FOXP4: variants seen among roughly 807,000 people sequenced by gnomAD.
The protein encoded by FOXP4 is forkhead box protein P4.
A neutral mutation model predicts 82.6 loss-of-function variants in FOXP4; 25 were observed. The observed-to-expected ratio is 0.30, with a 90% CI of 0.22 to 0.42. The LOEUF is 0.42. Ranked by LOEUF, FOXP4 falls within the 10% of genes least tolerant of loss-of-function variation. The pLI is 1.00. For missense variants in FOXP4, 785 were observed against 900.9 expected, an observed-to-expected ratio of 0.87 and a Z score of 1.65; for synonymous variants, 415 against 388.2, an observed-to-expected ratio of 1.07 and a Z score of -0.81.
intron 3 of FOXP4, among the ~76,000 whole-genome samples, chr6:41,581,370 C>T (rs72858989): frequency 0.073 from 11,139 of 152,292 alleles, 475 homozygotes; most frequent in Non-Finnish European, 0.092. Context: ...TCCAGTCAGA[C>T]CGTCCAGCCG....
chr6:41,557,321 T>C (rs999034853), intron 1 of FOXP4, among the ~76,000 whole-genome samples: 33 of 152,204 alleles, frequency 2.2e-4, no homozygotes, highest in African/African-American at 7.7e-4. Flanking sequence ...TGGTATGAAT[T>C]TTATGGGCAT....
chr6:41,586,355 G>T (rs1212704523), intron 5 of FOXP4, among the ~76,000 whole-genome samples: 1 of 152,074 alleles, frequency 6.6e-6, no homozygotes, highest in African/African-American at 2.4e-5. Context: ...CTTGGCTCAT[G>T]GGGCTCAAGA....
chr6:41,555,206 G>A (rs1007066221), intron 1 of FOXP4, among the ~76,000 whole-genome samples: 9 of 130,482 alleles, frequency 6.9e-5, no homozygotes, highest in African/African-American at 1.9e-4. Context: ...CCGAGATCGC[G>A]CTACTGCACT....
At position 41,546,706 on chromosome 6, in the gene FOXP4, G is replaced by C. The variant is rs1326591215; in HGVS notation, c.-178G>C. On this transcript the variant is annotated 5_prime_UTR_variant, in exon 1 of 17. Transcript: ENST00000307972. ...GGCGGGGTTGAGGCGCGCGGCGGTC[G>C]GCCCGGCGCGCTGGGAGGACGCCCG... The C allele has an allele frequency of 6.8e-6, 1 of 146,804 alleles. No individual in the cohort carries two copies. Among genetic ancestry groups the C allele is most frequent in the Admixed American group, 6.8e-5 (1 of 14,772 alleles). 9.1% of individuals were successfully genotyped at this position (146,804 alleles called of 1,614,324 possible). A position where few individuals can be genotyped will look rare whatever the true frequency, so the allele number is the denominator to read the frequency against.
At chr6:41,554,986 C>A (rs1764196634) in intron 1 of FOXP4, among the ~76,000 whole-genome samples, 1 of 152,150 alleles carries the variant, frequency 6.6e-6, no homozygotes. Context: ...GGCGCAGTGG[C>A]TCATGCCTGT....
chr6:41,583,887 G>C (rs1026760588), intron 3 of FOXP4, among the ~76,000 whole-genome samples: 1 of 152,188 alleles, frequency 6.6e-6, no homozygotes, highest in Non-Finnish European at 1.5e-5. Context: ...CCCAGGGCAG[G>C]GGGTAGAAAG....
intron 16 of FOXP4, 33 bp downstream of exon 16, chr6:41,597,983 A>G: frequency 1.0e-6 from 1 of 1,002,996 alleles, no homozygotes; most frequent in Non-Finnish European, 1.2e-6. Flanking sequence ...CACCCACCCC[A>G]GCACCCCTCA....
chr6:41,595,934 G>T (rs1040955408), intron 14 of FOXP4, among the ~76,000 whole-genome samples: 3 of 152,160 alleles, frequency 2.0e-5, no homozygotes, highest in African/African-American at 7.2e-5. Context: ...GTCTTGCTCT[G>T]TTGCCCAGGC....
chr6:41,589,658 G>A lies in FOXP4; in HGVS notation c.1066-113G>A, dbSNP rs369538568. On this transcript the variant is annotated intron_variant, in intron 9 of 16. Transcript: ENST00000307972. ...AGCATGGATGCTGAGGCAAGGAGGC[G>A]AATGGGGGTGGGAATCGGCGGCCTT... The A allele has an allele frequency of 1.0e-5, 11 of 1,073,988 alleles. 1 individual carries two copies. The highest frequency in any genetic ancestry group is 2.5e-5 in the East Asian group (1 of 39,690). The allele number at this position is 1,073,988 out of a possible 1,614,324, so 66.5% of individuals were successfully genotyped here.
intron 2 of FOXP4, among the ~76,000 whole-genome samples, chr6:41,572,513 G>C (rs1366209759): frequency 2.0e-5 from 3 of 152,186 alleles, no homozygotes; most frequent in Non-Finnish European, 4.4e-5. Flanking sequence ...TGGTTCTGGA[G>C]GTAAAGGTAA....
intron 1 of FOXP4, among the ~76,000 whole-genome samples, chr6:41,553,589 T>C (rs1188354854): frequency 6.6e-6 from 1 of 152,234 alleles, no homozygotes; most frequent in Admixed American, 6.5e-5. Flanking sequence ...CCCTGGACCC[T>C]GTCTGATCTC....
At position 41,565,904 on chromosome 6, in the gene FOXP4, G is replaced by A. The variant is rs374222170; in HGVS notation, c.144G>A (p.Thr48=). The A allele has an allele frequency of 1.7e-5, 28 of 1,613,906 alleles. No individual in the cohort carries two copies. Among genetic ancestry groups the A allele is most frequent in the African/African-American group, 1.3e-4 (10 of 74,944 alleles). Residue 48 remains threonine (T), a synonymous_variant, in exon 2 of 17, where the codon ACG becomes ACA. Coordinates refer to ENST00000307972, the MANE Select transcript of FOXP4 (RefSeq NM_001012426.2). ...TASGTGREVT[T]GADSNGEMSP... Reference sequence around the variant, plus strand: ...GTGGCACGGGCAGGGAAGTGACCACGGGTGCAGACAGCAATGGTGAGATGA... The same window carrying A: ...GTGGCACGGGCAGGGAAGTGACCACAGGTGCAGACAGCAATGGTGAGATGA...
chr6:41,553,757 GCTAGGGAC>G (rs1764127476), intron 1 of FOXP4, among the ~76,000 whole-genome samples: 1 of 152,204 alleles, frequency 6.6e-6, no homozygotes, highest in Non-Finnish European at 1.5e-5. Flanking sequence ...GAAGGACCAA[GCTAGGGAC>G]CTTTTAACCC....
chr6:41,591,353 CCA>C lies in FOXP4; in HGVS notation c.1536+32_1536+33del. 6.5e-7 allele frequency: 1 copy of C among 1,540,428 alleles called. No homozygotes were observed. The highest frequency in any genetic ancestry group is 8.8e-7 in the Non-Finnish European group (1 of 1,131,408). ...GCAGGCCCCTTCCACCTTCTGGGCCCCAGTCACCCTTGGACCTGCCATATCCC... is the reference window on the plus strand; with the variant it reads ...GCAGGCCCCTTCCACCTTCTGGGCCCGTCACCCTTGGACCTGCCATATCCC... On this transcript the variant is annotated intron_variant, in intron 13 of 16. Coordinates refer to ENST00000307972, the MANE Select transcript of FOXP4 (RefSeq NM_001012426.2). This position sits in a 1 kb window ranked among gnomAD's most constrained non-coding sequence, Gnocchi z 4.2.
At chr6:41,565,629 G>A (rs1461886520) in intron 1 of FOXP4, 116 bp from the exon 2 acceptor site, 1 of 925,948 alleles carries the variant, frequency 1.1e-6, no homozygotes, top group African/African-American at 1.7e-5. Flanking sequence ...GGAAGTTGAG[G>A]AGAAGTAGAT....
At chr6:41,577,660 T>C (rs1027655679) in intron 2 of FOXP4, among the ~76,000 whole-genome samples, 2 of 152,224 alleles carry the variant, frequency 1.3e-5, no homozygotes, top group Non-Finnish European at 2.9e-5. Flanking sequence ...ACTGATTTAC[T>C]AATGCCCTGA....
chr6:41,559,814 C>T (rs1344250168), intron 1 of FOXP4, among the ~76,000 whole-genome samples: 1 of 152,192 alleles, frequency 6.6e-6, no homozygotes, highest in Non-Finnish European at 1.5e-5. Context: ...ATCAGCATCA[C>T]CTAGGAACTT....
chr6:41,597,682 C>T (rs1766932038), intron 15 of FOXP4, 99 bp from the exon 16 acceptor site: 5 of 1,435,370 alleles, frequency 3.5e-6, no homozygotes, highest in Non-Finnish European at 4.7e-6. Flanking sequence ...TAGGCAGACA[C>T]ACAGGCAGCT....
At chr6:41,566,898 C>T (rs1372203467) in intron 2 of FOXP4, among the ~76,000 whole-genome samples, 2 of 152,224 alleles carry the variant, frequency 1.3e-5, no homozygotes, top group Admixed American at 6.5e-5. Context: ...TGCGTGCACA[C>T]GTGTGTGTAC....
Sources: allele counts gnomAD v4.1 joint callset (sites outside exome capture counted in the v4.1 genomes callset), GRCh38; gene constraint gnomAD v4.1.1; non-coding constraint Gnocchi (gnomAD v3.1); transcripts MANE v1.5; gene names NCBI Gene and HGNC (gene_info 2026-07-23, HGNC 2026-07-21).